MAGI2: variants seen among roughly 807,000 people sequenced by gnomAD.
The protein encoded by MAGI2 is membrane associated guanylate kinase, WW and PDZ domain containing 2, also known as membrane-associated guanylate kinase, WW and PDZ domain-containing protein 2.
Under a neutral mutation model 133.3 loss-of-function variants are expected in MAGI2, and 35 were observed. The observed-to-expected ratio is 0.26, with a 90% CI of 0.20 to 0.35. MAGI2 has a LOEUF of 0.35. Among genes scored for constraint, MAGI2 ranks in the 10% least tolerant of loss-of-function variants. The pLI, the probability that MAGI2 is intolerant of heterozygous loss-of-function variation, is 1.00. For missense variants in MAGI2, 1,636 were observed against 1,863.4 expected (o/e 0.88, Z 2.25); for synonymous variants, 729 against 710.6 (o/e 1.03, Z -0.41).
chr7:78,695,425 C>G (rs1817405900), intron 2 of MAGI2, among the ~76,000 whole-genome samples: 1 of 152,092 alleles, frequency 6.6e-6, no homozygotes, highest in African/African-American at 2.4e-5. Context: ...TATCTGATGT[C>G]AAACAGAGCA....
intron 2 of MAGI2, among the ~76,000 whole-genome samples, chr7:78,963,945 A>T (rs1803084632): frequency 6.6e-6 from 1 of 151,994 alleles, no homozygotes; most frequent in African/African-American, 2.4e-5. Context: ...AGAGGCCATG[A>T]TGTGTCTCAT....
chr7:78,070,641 TATA>T (rs1814575216), intron 21 of MAGI2, among the ~76,000 whole-genome samples: 1 of 94,922 alleles, frequency 1.1e-5, no homozygotes, highest in Non-Finnish European at 2.2e-5. Flanking sequence ...TATATATATA[TATA>T]TTTTTTTTTT....
intron 2 of MAGI2, among the ~76,000 whole-genome samples, chr7:78,948,946 TAAAGAG>T (rs1197332783): frequency 6.6e-6 from 1 of 152,050 alleles, no homozygotes; most frequent in African/African-American, 2.4e-5. Context: ...TACTGAATTC[TAAAGAG>T]AAAAAGTTTC....
chr7:78,394,235 A>G (rs1376143931), intron 6 of MAGI2, among the ~76,000 whole-genome samples: 1 of 152,182 alleles, frequency 6.6e-6, no homozygotes, highest in Admixed American at 6.5e-5. Context: ...TCAGTCAAGT[A>G]AACACATAAA....
At chr7:78,545,359 C>T (rs1316576589) in intron 3 of MAGI2, among the ~76,000 whole-genome samples, 7 of 151,662 alleles carry the variant, frequency 4.6e-5, no homozygotes, top group South Asian at 2.1e-4. Flanking sequence ...ATTACAGGCA[C>T]GCACCACCAT....
chr7:78,326,884 A>G (rs544983144), intron 9 of MAGI2, among the ~76,000 whole-genome samples: 14 of 152,084 alleles, frequency 9.2e-5, no homozygotes, highest in Non-Finnish European at 1.5e-4. Context: ...TTCATTCTTC[A>G]AGGTCTAGTT....
At chr7:78,637,109 G>T (rs1377811141) in intron 2 of MAGI2, among the ~76,000 whole-genome samples, 1 of 152,106 alleles carries the variant, frequency 6.6e-6, no homozygotes, top group East Asian at 1.9e-4. Context: ...AATCCATAAA[G>T]CATGCAGGTC....
At chr7:79,205,189 T>A (rs1456784003) in intron 1 of MAGI2, among the ~76,000 whole-genome samples, 1 of 151,828 alleles carries the variant, frequency 6.6e-6, no homozygotes, top group African/African-American at 2.4e-5. Flanking sequence ...ATAACCCAAT[T>A]GTCAAATATC....
chr7:78,809,671 T>G (rs983151232), intron 2 of MAGI2, among the ~76,000 whole-genome samples: 22 of 152,036 alleles, frequency 1.4e-4, no homozygotes, highest in African/African-American at 5.3e-4. Context: ...TTTCAGATTG[T>G]GGGCACAGAA....
At chr7:78,085,570 A>G (rs1220086534) in intron 20 of MAGI2, among the ~76,000 whole-genome samples, 1 of 147,038 alleles carries the variant, frequency 6.8e-6, no homozygotes, top group Non-Finnish European at 1.5e-5. Flanking sequence ...ACACACACAC[A>G]CACACACACA....
intron 1 of MAGI2, among the ~76,000 whole-genome samples, chr7:79,176,198 C>T (rs755646504): frequency 6.6e-6 from 1 of 151,902 alleles, no homozygotes; most frequent in Non-Finnish European, 1.5e-5. Flanking sequence ...CTCGAATATA[C>T]CTTTAAGGAA....
chr7:79,033,945 TG>T (rs1488222726), intron 1 of MAGI2, among the ~76,000 whole-genome samples: 2 of 149,094 alleles, frequency 1.3e-5, no homozygotes, highest in Non-Finnish European at 3.0e-5. Context: ...ACTAGGAACT[TG>T]TATTTTGTAT....
In MAGI2 at chr7:78,521,620, C is replaced by T. The variant is rs368329978; in HGVS notation, c.564G>A (p.Pro188=). 41 of 1,614,066 alleles carry T rather than the reference C, an allele frequency of 2.5e-5. No individual in the cohort carries two copies. In the Admixed American group the frequency reaches 2.8e-4, roughly 11 times the overall value. The change falls in exon 4 of 22, where the codon CCG becomes CCA. Residue 188 remains proline, a synonymous_variant. Transcript: ENST00000354212. The stretch of plus-strand genomic sequence containing the variant: ...ACAATAATGGTGCTGGTTCTGCTGG[C>T]GGCTTTGGGGTACCGTAGTAATTGT... The part of the protein sequence containing the change: ...YEDNYYGTPK[P]PAEPAPLLLN...
chr7:78,667,387 A>T (rs10275959), intron 2 of MAGI2, among the ~76,000 whole-genome samples: 63,094 of 149,094 alleles, frequency 0.42, 13,327 homozygotes, highest in Admixed American at 0.47. Context: ...TTAATTTTTT[A>T]AAAAATTTTA....
intron 2 of MAGI2, among the ~76,000 whole-genome samples, chr7:78,923,910 G>A (rs1021541819): frequency 3.9e-5 from 6 of 151,948 alleles, no homozygotes; most frequent in African/African-American, 7.3e-5. Context: ...GGTCTTTCAC[G>A]TCCCTTGTAA....
intron 6 of MAGI2, among the ~76,000 whole-genome samples, chr7:78,388,872 T>C (rs781101664): frequency 5.3e-5 from 8 of 152,208 alleles, no homozygotes; most frequent in Non-Finnish European, 7.3e-5. Context: ...GTACTACAAA[T>C]ATAGTCCGTG....
In MAGI2 at chr7:79,017,101, C is replaced by T. The variant is rs77326510; in HGVS notation, c.302-9895G>A. ...GCTGATGAGCATGCAACTTGCAGCACTGCCGCTGCTGCTGGCACATAACAA... is the reference window on the plus strand; with the variant it reads ...GCTGATGAGCATGCAACTTGCAGCATTGCCGCTGCTGCTGGCACATAACAA... On this transcript the variant is annotated intron_variant, in intron 1 of 21. Transcript: ENST00000354212. Among the ~76,000 whole-genome samples the T allele has an allele frequency of 1.8e-4, 28 of 152,362 alleles. No individual in the cohort carries two copies. The East Asian group carries it at 5.4e-3, about 29-fold the overall frequency.
At chr7:79,321,881 T>C (rs1839211895) in intron 1 of MAGI2, among the ~76,000 whole-genome samples, 1 of 152,156 alleles carries the variant, frequency 6.6e-6, no homozygotes, top group Non-Finnish European at 1.5e-5. Context: ...CAATTATCAG[T>C]GGAGACTGAC....
intron 16 of MAGI2, among the ~76,000 whole-genome samples, chr7:78,140,461 C>T (rs1286176745): frequency 6.6e-6 from 1 of 152,146 alleles, no homozygotes; most frequent in Non-Finnish European, 1.5e-5. Flanking sequence ...GCCAAACTTA[C>T]AAGAGGGAAG....
Sources: allele counts gnomAD v4.1 joint callset (sites outside exome capture counted in the v4.1 genomes callset), GRCh38; gene constraint gnomAD v4.1.1; transcripts MANE v1.5; gene names NCBI Gene and HGNC (gene_info 2026-07-23, HGNC 2026-07-21).